CFAP58: variants seen among roughly 807,000 people sequenced by gnomAD.
The protein encoded by CFAP58 is cilia- and flagella-associated protein 58.
CFAP58 carries 88 observed loss-of-function variants against 119.5 expected under a neutral mutation model. The ratio of observed to expected loss-of-function variants is 0.74; its 90% CI spans 0.62 to 0.88. CFAP58 has a LOEUF of 0.88. Ranked by LOEUF, CFAP58 falls within the 40% of genes least tolerant of loss-of-function variation. CFAP58 has a pLI of 0.00. For missense variants in CFAP58, 990 were observed against 1,021.2 expected, an observed-to-expected ratio of 0.97 and a Z score of 0.42; for synonymous variants, 365 against 366.3, an observed-to-expected ratio of 1.00 and a Z score of 0.04.
intron 14 of CFAP58, among the ~76,000 whole-genome samples, 192 bp downstream of exon 14, chr10:104,404,032 A>T (rs1261171199): frequency 6.6e-6 from 1 of 152,212 alleles, no homozygotes; most frequent in Admixed American, 6.5e-5. Flanking sequence ...TTTTGTTTTA[A>T]AAGTCTTGCA....
chr10:104,342,968 C>A, the CFAP58 span, among the ~76,000 whole-genome samples: 20 of 151,448 alleles, frequency 1.3e-4, no homozygotes, highest in Non-Finnish European at 2.9e-4. Context: ...TACACAGGGA[C>A]AGATTTCCTG....
At chr10:104,347,284 T>C in the CFAP58 span, among the ~76,000 whole-genome samples, 2 of 152,150 alleles carry the variant, frequency 1.3e-5, no homozygotes, top group South Asian at 2.1e-4. Context: ...CCTCCTCAGG[T>C]GTCACGAGGG....
chr10:104,355,626 C>T (rs1488117395), intron 1 of CFAP58, among the ~76,000 whole-genome samples: 2 of 152,202 alleles, frequency 1.3e-5, no homozygotes, highest in East Asian at 1.9e-4. Flanking sequence ...CAGGACAGTG[C>T]CTGGCACATA....
intron 15 of CFAP58, among the ~76,000 whole-genome samples, chr10:104,409,208 T>G (rs1484156328): frequency 2.6e-5 from 4 of 152,202 alleles, no homozygotes; most frequent in Non-Finnish European, 5.9e-5. Context: ...TGACAGTAAG[T>G]CTTAATAAAT....
At chr10:104,342,532 T>C in the CFAP58 span, among the ~76,000 whole-genome samples, 1 of 152,068 alleles carries the variant, frequency 6.6e-6, no homozygotes, top group Non-Finnish European at 1.5e-5. Context: ...TCACATTCCA[T>C]AGTGAAAGGT....
rs1387964314 is a variant in CFAP58, at chr10:104,370,798, G to A, written c.931-97G>A. On this transcript the variant is annotated intron_variant, in intron 6 of 17. Coordinates refer to ENST00000369704, the MANE Select transcript of CFAP58 (RefSeq NM_001008723.2). ...CACAGAACAACTTTAAAATGCCATG[G>A]GAAGAATTTCCTTTTATTGGTTCTG... 4 of 1,116,094 alleles carry A rather than the reference G, an allele frequency of 3.6e-6. No homozygotes were observed. The East Asian group carries it at 8.1e-5, about 23-fold the overall frequency. 69.1% of individuals were successfully genotyped at this position (1,116,094 alleles called of 1,614,324 possible). A position where few individuals can be genotyped will look rare whatever the true frequency, so the allele number is the denominator to read the frequency against.
chr10:104,392,463 T>C, intron 10 of CFAP58, 69 bp downstream of exon 10: 1 of 1,137,018 alleles, frequency 8.8e-7, no homozygotes, highest in East Asian at 2.6e-5. Flanking sequence ...GTTTCTGTTA[T>C]CCTAATGGCA....
intron 15 of CFAP58, among the ~76,000 whole-genome samples, chr10:104,432,575 C>T: frequency 2.0e-5 from 3 of 151,932 alleles, no homozygotes; most frequent in African/African-American, 7.3e-5. Flanking sequence ...CGATCTTGGC[C>T]CACTACATTC....
At chr10:104,395,738 T>A (rs1168938771) in intron 11 of CFAP58, among the ~76,000 whole-genome samples, 1 of 152,202 alleles carries the variant, frequency 6.6e-6, no homozygotes, top group East Asian at 1.9e-4. Flanking sequence ...GATTTTCTAG[T>A]AACTTTGCTC....
intron 15 of CFAP58, among the ~76,000 whole-genome samples, chr10:104,415,017 CTG>C (rs1335014710): frequency 2.0e-5 from 3 of 152,228 alleles, no homozygotes; most frequent in Non-Finnish European, 4.4e-5. Flanking sequence ...ACCGCAGTCA[CTG>C]AGCGCCCGGA....
intron 9 of CFAP58, among the ~76,000 whole-genome samples, chr10:104,380,739 T>G (rs1421837125): frequency 6.6e-6 from 1 of 152,194 alleles, no homozygotes; most frequent in Non-Finnish European, 1.5e-5. Context: ...TATGAACTCC[T>G]GCAATCTCAG....
At chr10:104,386,387 A>AAAT (rs1564887754) in intron 9 of CFAP58, among the ~76,000 whole-genome samples, 8 of 148,514 alleles carry the variant, frequency 5.4e-5, no homozygotes, top group South Asian at 2.1e-4. Context: ...CAAAAAAAAA[A>AAAT]AAATAAATAA....
intron 15 of CFAP58, among the ~76,000 whole-genome samples, chr10:104,426,713 AC>A (rs769288767): frequency 2.0e-5 from 3 of 152,096 alleles, no homozygotes; most frequent in Admixed American, 6.5e-5. Flanking sequence ...AGACATTTTC[AC>A]CCCATTACAT....
At chr10:104,363,514 A>G (rs2014699831) in intron 3 of CFAP58, among the ~76,000 whole-genome samples, 1 of 152,206 alleles carries the variant, frequency 6.6e-6, no homozygotes, top group Non-Finnish European at 1.5e-5. Context: ...TCTTCTTGTT[A>G]AGGAAGTCAA....
intron 9 of CFAP58, among the ~76,000 whole-genome samples, chr10:104,390,643 T>A (rs1036805622): frequency 1.3e-5 from 2 of 152,178 alleles, no homozygotes; most frequent in African/African-American, 4.8e-5. Flanking sequence ...TAGACCTGAA[T>A]AGAATATGCA....
intron 17 of CFAP58, 109 bp from the exon 18 acceptor site, chr10:104,454,313 A>T: frequency 2.4e-6 from 2 of 836,072 alleles, no homozygotes; most frequent in Non-Finnish European, 4.0e-6. Context: ...TAAAACTAGA[A>T]GCTGTAATCA....
chr10:104,450,647 A>C (rs1342183128), intron 17 of CFAP58, among the ~76,000 whole-genome samples: 2 of 151,888 alleles, frequency 1.3e-5, no homozygotes, highest in African/African-American at 4.8e-5. Flanking sequence ...GTACCACTAT[A>C]ACTACTAGCA....
chr10:104,376,279 A>C (rs1041118410), intron 7 of CFAP58, among the ~76,000 whole-genome samples: 2 of 151,772 alleles, frequency 1.3e-5, no homozygotes, highest in African/African-American at 4.8e-5. Flanking sequence ...GACCTCTTAG[A>C]TAGGAATTTG....
At position 104,378,891 on chromosome 10, in the gene CFAP58, A is replaced by G. The variant is rs573064542; in HGVS notation, c.1174-1138A>G. 1.7e-3 allele frequency among the ~76,000 whole-genome samples: 249 copies of G among 150,792 alleles called. 1 individual carries two copies. The highest frequency in any genetic ancestry group is 5.5e-3 in the African/African-American group (224 of 40,936). Reference sequence around the variant, plus strand: ...CAACCCAAGATGTTTCCTTTTCAGCATCAGAAATCTCCAGTGCAGCTTAAA... The same window carrying G: ...CAACCCAAGATGTTTCCTTTTCAGCGTCAGAAATCTCCAGTGCAGCTTAAA... On this transcript the variant is annotated intron_variant, in intron 8 of 17. Transcript: ENST00000369704.
Sources: gnomAD v4.1 joint callset for allele counts (sites outside exome capture counted in the v4.1 genomes callset) on GRCh38, gnomAD v4.1.1 for gene constraint, MANE v1.5 for transcripts, NCBI Gene and HGNC (gene_info 2026-07-23, HGNC 2026-07-21) for gene names.